Variants in ADAMTS12 observed in about 807,000 individuals in gnomAD.
ADAMTS12 encodes the protein ADAM metallopeptidase with thrombospondin type 1 motif 12, also known as A disintegrin and metalloproteinase with thrombospondin motifs 12.
A neutral mutation model predicts 167.8 loss-of-function variants in ADAMTS12; 118 were observed. That is an observed-to-expected ratio of 0.70 (90% CI 0.61 to 0.82). The LOEUF (loss-of-function observed/expected upper bound fraction) is 0.82, where lower values mean the gene tolerates loss of function less well. ADAMTS12 is among the 40% of genes least tolerant of loss of function. ADAMTS12 has a pLI of 0.00. For synonymous variants in ADAMTS12, 704 were observed against 716.9 expected (o/e 0.98, Z 0.29); for missense variants, 1,916 against 1,998.8 (o/e 0.96, Z 0.79).
chr5:33,785,654 G>T (rs1290162072), intron 2 of ADAMTS12, among the ~76,000 whole-genome samples: 1 of 152,140 alleles, frequency 6.6e-6, no homozygotes, highest in Non-Finnish European at 1.5e-5. Context: ...TAATCTAAAA[G>T]ATTAGCAATG....
intron 3 of ADAMTS12, among the ~76,000 whole-genome samples, chr5:33,729,119 G>T (rs553429789): frequency 6.6e-6 from 1 of 152,276 alleles, no homozygotes; most frequent in South Asian, 2.1e-4. Context: ...CTTTATACAT[G>T]TATGAACCTT....
intron 2 of ADAMTS12, among the ~76,000 whole-genome samples, chr5:33,879,549 A>G (rs751601969): frequency 7.9e-5 from 12 of 152,194 alleles, no homozygotes; most frequent in African/African-American, 1.2e-4. Context: ...CTGCAGCTCA[A>G]TGAAGCCCCT....
chr5:33,594,471 A>C (rs1747814577), intron 17 of ADAMTS12, among the ~76,000 whole-genome samples: 1 of 152,212 alleles, frequency 6.6e-6, no homozygotes, highest in African/African-American at 2.4e-5. Context: ...TAACATTCTC[A>C]GCAGTCAAAA....
chr5:33,634,168 G>A (rs938319940), intron 12 of ADAMTS12, among the ~76,000 whole-genome samples: 1 of 152,134 alleles, frequency 6.6e-6, no homozygotes, highest in African/African-American at 2.4e-5. Flanking sequence ...GTAAGGAAAA[G>A]TTTTGATGCA....
At chr5:33,651,291 G>A (rs983635789) in intron 7 of ADAMTS12, among the ~76,000 whole-genome samples, 36 of 152,138 alleles carry the variant, frequency 2.4e-4, no homozygotes, top group African/African-American at 8.0e-4. Flanking sequence ...CTTATCTGTG[G>A]ATATGTCGAT....
intron 2 of ADAMTS12, chr5:33,840,253 T>G (rs1478628035): frequency 6.6e-6 from 1 of 152,232 alleles, no homozygotes; most frequent in African/African-American, 2.4e-5. Flanking sequence ...CTTTGTAAGA[T>G]CTCAGGTAAA....
chr5:33,838,500 T>C (rs1354307719), intron 2 of ADAMTS12, among the ~76,000 whole-genome samples: 5 of 151,980 alleles, frequency 3.3e-5, no homozygotes, highest in African/African-American at 1.2e-4. Flanking sequence ...CTGGCCAACA[T>C]AGTGTAACCC....
At chr5:33,838,962 A>T (rs1748637283) in intron 2 of ADAMTS12, among the ~76,000 whole-genome samples, 2 of 152,188 alleles carry the variant, frequency 1.3e-5, no homozygotes, top group African/African-American at 2.4e-5. Context: ...AAACGACTGG[A>T]TTCAAACTCC....
At chr5:33,666,698 G>T (rs1301772382) in intron 5 of ADAMTS12, among the ~76,000 whole-genome samples, 2 of 151,954 alleles carry the variant, frequency 1.3e-5, no homozygotes, top group East Asian at 3.9e-4. Flanking sequence ...TCACCATGTT[G>T]GCCAGGATGG....
intron 3 of ADAMTS12, among the ~76,000 whole-genome samples, chr5:33,719,238 C>T (rs1445133954): frequency 3.9e-5 from 6 of 151,978 alleles, no homozygotes. Context: ...AAATATATGC[C>T]ACAGAGAAGA....
intron 23 of ADAMTS12, among the ~76,000 whole-genome samples, chr5:33,534,597 T>C (rs1744280513): frequency 6.6e-6 from 1 of 152,128 alleles, no homozygotes; most frequent in African/African-American, 2.4e-5. Context: ...TGGTATTTTA[T>C]GATACTCAAT....
intron 2 of ADAMTS12, among the ~76,000 whole-genome samples, chr5:33,867,240 A>T (rs1441818235): frequency 6.6e-6 from 1 of 152,212 alleles, no homozygotes; most frequent in Non-Finnish European, 1.5e-5. Context: ...ATGGATAAAG[A>T]AAATGTGGTA....
intron 2 of ADAMTS12, among the ~76,000 whole-genome samples, chr5:33,764,009 A>G (rs1426456713): frequency 5.3e-5 from 8 of 152,202 alleles, no homozygotes; most frequent in Admixed American, 5.2e-4. Flanking sequence ...AAGCACCTAC[A>G]GGGCTGTAGT....
intron 2 of ADAMTS12, among the ~76,000 whole-genome samples, chr5:33,880,231 G>C (rs566279370): frequency 6.6e-6 from 1 of 152,178 alleles, no homozygotes; most frequent in Non-Finnish European, 1.5e-5. Context: ...GAGGCAAAGT[G>C]GACAATGTAC....
chr5:33,810,071 G>A (rs1359876464), intron 2 of ADAMTS12, among the ~76,000 whole-genome samples: 1 of 151,782 alleles, frequency 6.6e-6, no homozygotes, highest in African/African-American at 2.4e-5. Context: ...AGTGCTCAGG[G>A]GAGAGGCAGG....
chr5:33,630,679 G>T, intron 13 of ADAMTS12, 101 bp downstream of exon 13: 2 of 1,264,614 alleles, frequency 1.6e-6, no homozygotes, highest in South Asian at 1.5e-5. Flanking sequence ...AACAGATGAG[G>T]TGTAAATGCT....
At chr5:33,563,908 T>C (rs1745873034) in intron 19 of ADAMTS12, among the ~76,000 whole-genome samples, 1 of 152,168 alleles carries the variant, frequency 6.6e-6, no homozygotes. Context: ...CCTCATTTCA[T>C]AGATGAGGGA....
At chr5:33,768,596 T>C (rs1279078424) in intron 2 of ADAMTS12, among the ~76,000 whole-genome samples, 1 of 152,190 alleles carries the variant, frequency 6.6e-6, no homozygotes, top group African/African-American at 2.4e-5. Context: ...TCCTGTTTTA[T>C]AGGACTTATA....
At chr5:33,580,507 A>G (rs1445577300) in intron 18 of ADAMTS12, among the ~76,000 whole-genome samples, 1 of 152,192 alleles carries the variant, frequency 6.6e-6, no homozygotes, top group Non-Finnish European at 1.5e-5. Context: ...TTACCATTCA[A>G]GATGAGATTT....
Sources: gnomAD v4.1 joint callset for allele counts (sites outside exome capture counted in the v4.1 genomes callset) on GRCh38, gnomAD v4.1.1 for gene constraint, MANE v1.5 for transcripts, NCBI Gene and HGNC (gene_info 2026-07-23, HGNC 2026-07-21) for gene names.